The following KANTR variants were observed in gnomAD, a reference collection of about 807,000 sequenced individuals.
KANTR encodes KDM5C adjacent transcript.
At chrX:53,121,051 T>A (rs1272484356) in intron 2 of KANTR, among the ~76,000 whole-genome samples, 1 of 110,551 alleles carries the variant, frequency 9.0e-6, no homozygotes, top group Non-Finnish European at 1.9e-5. Context: ...TAGTCTGGAG[T>A]GCAGTGGCGC....
chrX:53,137,224 G>C (rs1933437773), intron 2 of KANTR, among the ~76,000 whole-genome samples: 1 of 111,605 alleles, frequency 9.0e-6, no homozygotes, highest in Non-Finnish European at 1.9e-5. Flanking sequence ...GTTTGCTGCA[G>C]CTCACCTACA....
chrX:53,097,026 G>A (rs1428384254), intron 1 of KANTR, among the ~76,000 whole-genome samples: 13 of 110,057 alleles, frequency 1.2e-4, no homozygotes, highest in Non-Finnish European at 2.1e-4. Context: ...CCAGCTACTC[G>A]GAAGGCTGAG....
At chrX:53,124,023 C>T (rs1030552014) in exon 3 of KANTR, 2 of 199,816 alleles carry the variant, frequency 1.0e-5, no homozygotes, top group Non-Finnish European at 9.0e-6. Flanking sequence ...TCTTCACCTG[C>T]CTGTAATCCA....
intron 2 of KANTR, among the ~76,000 whole-genome samples, chrX:53,137,113 A>G (rs1556817794): frequency 3.6e-5 from 4 of 110,506 alleles, no homozygotes; most frequent in South Asian, 7.8e-4. Context: ...GGGTTCTCCC[A>G]TCCAGTTTTA....
chrX:53,118,158 A>C (rs782755679), intron 2 of KANTR, among the ~76,000 whole-genome samples: 1 of 111,331 alleles, frequency 9.0e-6, no homozygotes, highest in East Asian at 2.8e-4. Context: ...CCATTTTTCT[A>C]AGGTATATAG....
chrX:53,122,611 T>C (rs781855947), intron 2 of KANTR, among the ~76,000 whole-genome samples: 4 of 111,715 alleles, frequency 3.6e-5, no homozygotes, highest in Non-Finnish European at 7.5e-5. Context: ...TTCCATCCTA[T>C]TACTCTATAC....
intron 2 of KANTR, among the ~76,000 whole-genome samples, chrX:53,114,249 T>G (rs1428632351): frequency 8.9e-6 from 1 of 111,882 alleles, no homozygotes; most frequent in East Asian, 2.8e-4. Context: ...TCTGGCTATG[T>G]TGCCCAGGCT....
chrX:53,136,693 CATATATAT>C (rs58263602), intron 2 of KANTR, among the ~76,000 whole-genome samples: 1,078 of 9,293 alleles, frequency 0.12, 159 homozygotes, highest in Admixed American at 0.25. Flanking sequence ...CCACGCCCGG[CATATATAT>C]ATATATATAT....
At chrX:53,144,906 C>T (rs1422439078), downstream of KANTR, among the ~76,000 whole-genome samples, 2 of 111,811 alleles carry the variant, frequency 1.8e-5, no homozygotes, top group East Asian at 5.6e-4. Flanking sequence ...TCCAAGTCTC[C>T]AGGCAGCTGC....
chrX:53,096,002 G>A (rs1556810793), intron 1 of KANTR, among the ~76,000 whole-genome samples: 1 of 110,672 alleles, frequency 9.0e-6, no homozygotes. Context: ...TGCATTCCGT[G>A]TATCTGGAAT....
downstream of KANTR, among the ~76,000 whole-genome samples, chrX:53,129,167 A>G (rs1475698648): frequency 2.0e-5 from 2 of 101,237 alleles, no homozygotes; most frequent in African/African-American, 7.4e-5. Flanking sequence ...TCCTGGGTTC[A>G]CACCATTCTC....
At chrX:53,146,363 C>T (rs1221535639), downstream of KANTR, among the ~76,000 whole-genome samples, 1 of 111,469 alleles carries the variant, frequency 9.0e-6, no homozygotes, top group Non-Finnish European at 1.9e-5. Flanking sequence ...CCTCAGTAGC[C>T]GATTCGATCA....
downstream of KANTR, among the ~76,000 whole-genome samples, chrX:53,128,622 G>A (rs1477055324): frequency 2.7e-5 from 3 of 111,128 alleles, no homozygotes; most frequent in East Asian, 8.4e-4. Context: ...AGGTTATAGT[G>A]ATCTTATCCA....
intron 2 of KANTR, among the ~76,000 whole-genome samples, chrX:53,114,194 C>T (rs1341108609): frequency 9.0e-6 from 1 of 111,407 alleles, no homozygotes; most frequent in Admixed American, 9.5e-5. Context: ...CGTGAGCCAC[C>T]GCACCAGGTT....
At chrX:53,102,810 CTG>C (rs1466224901) in intron 2 of KANTR, among the ~76,000 whole-genome samples, 1 of 110,842 alleles carries the variant, frequency 9.0e-6, no homozygotes, top group Non-Finnish European at 1.9e-5. Context: ...TGTGATCTCA[CTG>C]TCATTCTCTT....
chrX:53,106,376 C>T (rs1327722927), intron 2 of KANTR, among the ~76,000 whole-genome samples: 1 of 109,565 alleles, frequency 9.1e-6, no homozygotes, highest in Non-Finnish European at 1.9e-5. Context: ...ATCGTTTTAG[C>T]TCTTACATTT....
intron 2 of KANTR, among the ~76,000 whole-genome samples, chrX:53,137,536 G>T (rs1390701871): frequency 9.0e-6 from 1 of 111,236 alleles, no homozygotes; most frequent in Non-Finnish European, 1.9e-5. Flanking sequence ...AGGCTGAGGC[G>T]AGCAGATCAC....
chrX:53,103,647 G>C (rs1267261354), intron 2 of KANTR, among the ~76,000 whole-genome samples: 2 of 111,425 alleles, frequency 1.8e-5, no homozygotes, highest in African/African-American at 6.5e-5. Flanking sequence ...TACCCTCCTA[G>C]ATGATGATTG....
chrX:53,138,523 G>T (rs956052500), intron 2 of KANTR, among the ~76,000 whole-genome samples: 5 of 108,027 alleles, frequency 4.6e-5, no homozygotes, highest in Non-Finnish European at 7.7e-5. Context: ...TTAGCTGGGC[G>T]TGGTGGCACA....
Sources: allele counts gnomAD v4.1 joint callset (sites outside exome capture counted in the v4.1 genomes callset), GRCh38; gene constraint gnomAD v4.1.1; transcripts MANE v1.5; gene names NCBI Gene and HGNC (gene_info 2026-07-23, HGNC 2026-07-21).